Variants in RBMS1 observed in about 807,000 individuals in gnomAD.
RBMS1 encodes RNA binding motif single stranded interacting protein 1, also known as RNA-binding motif, single-stranded-interacting protein 1.
A neutral mutation model predicts 62.3 loss-of-function variants in RBMS1; 17 were observed. That is an observed-to-expected ratio of 0.27 (90% confidence interval 0.19 to 0.41). RBMS1 has a LOEUF of 0.41. RBMS1 is among the 10% of genes least tolerant of loss of function. The probability of loss-of-function intolerance (pLI) is 1.00; values close to 1 mark genes in which losing one functional copy is unlikely to be tolerated. For synonymous variants in RBMS1, 172 were observed against 170.0 expected, an observed-to-expected ratio of 1.01 and a Z score of -0.09; for missense variants, 334 against 504.5, an observed-to-expected ratio of 0.66 and a Z score of 3.24.
intron 2 of RBMS1, 27 bp from the exon 3 acceptor site, chr2:160,318,254 G>GAAAAAAAAAAAAAAAAAAAAAAAAACA: frequency 8.0e-7 from 1 of 1,256,784 alleles, no homozygotes; most frequent in South Asian, 1.6e-5. Flanking sequence ...AAAAAAAAAG[G>GAAAAAAAAAAAAAAAAAAAAAAAAACA]AAAAAAAGAA....
intron 1 of RBMS1, among the ~76,000 whole-genome samples, chr2:160,442,835 G>A (rs1220691955): frequency 2.6e-5 from 4 of 152,142 alleles, no homozygotes; most frequent in Admixed American, 2.0e-4. Context: ...GCTAGAAAGG[G>A]CACTAAGGGA....
At chr2:160,434,394 T>TA (rs1233489784) in intron 1 of RBMS1, among the ~76,000 whole-genome samples, 1 of 151,590 alleles carries the variant, frequency 6.6e-6, no homozygotes, top group Non-Finnish European at 1.5e-5. Flanking sequence ...TCAACACTAC[T>TA]AAAAAATAGG....
chr2:160,355,428 A>T (rs1441823898), intron 2 of RBMS1, among the ~76,000 whole-genome samples: 1 of 152,132 alleles, frequency 6.6e-6, no homozygotes, highest in Admixed American at 6.6e-5. Flanking sequence ...AGGTAAGAAT[A>T]AAAACAAACT....
At chr2:160,321,446 G>A (rs1574278016) in intron 2 of RBMS1, among the ~76,000 whole-genome samples, 2 of 152,056 alleles carry the variant, frequency 1.3e-5, no homozygotes, top group Admixed American at 1.3e-4. Context: ...TTTAATTAAT[G>A]AATCTCCTCT....
chr2:160,367,576 G>T, intron 1 of RBMS1, 185 bp from the exon 2 acceptor site: 1 of 1,125,684 alleles, frequency 8.9e-7, no homozygotes, highest in Non-Finnish European at 1.2e-6. Flanking sequence ...ACATAAAATT[G>T]ATAATAGGGT....
At chr2:160,483,187 C>T (rs1297399323) in intron 1 of RBMS1, among the ~76,000 whole-genome samples, 2 of 151,020 alleles carry the variant, frequency 1.3e-5, no homozygotes, top group Non-Finnish European at 2.9e-5. Flanking sequence ...TAGGTTTTTG[C>T]CAATTGAAAA....
chr2:160,308,893 A>G (rs1211279806), intron 4 of RBMS1, among the ~76,000 whole-genome samples: 2 of 152,236 alleles, frequency 1.3e-5, no homozygotes, highest in Non-Finnish European at 2.9e-5. Flanking sequence ...GGCTTCTTCA[A>G]AACAGTGTAT....
intron 1 of RBMS1, among the ~76,000 whole-genome samples, chr2:160,393,827 C>G (rs1694995382): frequency 6.6e-6 from 1 of 151,606 alleles, no homozygotes; most frequent in African/African-American, 2.4e-5. Flanking sequence ...AAGAAAATAG[C>G]CAAGCTTCAC....
At chr2:160,311,238 A>ATATATATCTATATATC (rs1689880229) in intron 4 of RBMS1, among the ~76,000 whole-genome samples, 5 of 119,240 alleles carry the variant, frequency 4.2e-5, no homozygotes, top group African/African-American at 1.4e-4. Context: ...CTATCTATAT[A>ATATATATCTATATATC]TATATATATA....
chr2:160,347,237 T>C (rs190826212), intron 2 of RBMS1, among the ~76,000 whole-genome samples: 218 of 152,252 alleles, frequency 1.4e-3, no homozygotes, highest in African/African-American at 5.1e-3. Flanking sequence ...ATTGCCTCTG[T>C]AGATGTACGA....
chr2:160,348,873 A>G (rs987385722), intron 2 of RBMS1, among the ~76,000 whole-genome samples: 8 of 152,182 alleles, frequency 5.3e-5, no homozygotes, highest in African/African-American at 1.4e-4. Flanking sequence ...GAATTAGTAT[A>G]ACTTATTTCT....
At chr2:160,349,189 T>G (rs981326186) in intron 2 of RBMS1, among the ~76,000 whole-genome samples, 1 of 152,106 alleles carries the variant, frequency 6.6e-6, no homozygotes, top group Non-Finnish European at 1.5e-5. Context: ...TTAGCAATTC[T>G]GCCAGGAGAG....
At chr2:160,389,811 TCAA>T (rs1694767334) in intron 1 of RBMS1, among the ~76,000 whole-genome samples, 5 of 151,498 alleles carry the variant, frequency 3.3e-5, no homozygotes, top group African/African-American at 9.7e-5. Flanking sequence ...TTTTTTTTTT[TCAA>T]TCAATCCATC....
intron 1 of RBMS1, among the ~76,000 whole-genome samples, chr2:160,404,746 A>T (rs1448070557): frequency 3.3e-5 from 5 of 152,314 alleles, no homozygotes; most frequent in African/African-American, 1.2e-4. Flanking sequence ...GCTTCCAAAC[A>T]TCACAAACTT....
At chr2:160,431,145 G>C (rs1015867159) in intron 1 of RBMS1, among the ~76,000 whole-genome samples, 1 of 143,196 alleles carries the variant, frequency 7.0e-6, no homozygotes, top group Non-Finnish European at 1.5e-5. Flanking sequence ...TAATAAAATA[G>C]TCTAATAAAA....
chr2:160,481,313 C>A, intron 1 of RBMS1, among the ~76,000 whole-genome samples: 1 of 144,262 alleles, frequency 6.9e-6, no homozygotes, highest in African/African-American at 2.6e-5. Flanking sequence ...AAATTGATTG[C>A]AGGCCTAAAT....
intron 1 of RBMS1, among the ~76,000 whole-genome samples, chr2:160,440,221 A>G (rs1036848552): frequency 6.6e-6 from 1 of 152,100 alleles, no homozygotes; most frequent in Non-Finnish European, 1.5e-5. Flanking sequence ...ATACTTTCTT[A>G]TAATTGTGAA....
chr2:160,456,097 A>G (rs1354850142), intron 1 of RBMS1, among the ~76,000 whole-genome samples: 1 of 152,256 alleles, frequency 6.6e-6, no homozygotes, highest in African/African-American at 2.4e-5. Context: ...AAGGACCTAC[A>G]GGCAATGTGA....
chr2:160,465,865 T>TACACACAC (rs72005445), intron 1 of RBMS1, among the ~76,000 whole-genome samples: 24 of 146,738 alleles, frequency 1.6e-4, no homozygotes, highest in African/African-American at 5.5e-4. Flanking sequence ...CACACACACA[T>TACACACAC]ACACACACAC....
Sources: gnomAD v4.1 joint callset for allele counts (sites outside exome capture counted in the v4.1 genomes callset) on GRCh38, gnomAD v4.1.1 for gene constraint, MANE v1.5 for transcripts, NCBI Gene and HGNC (gene_info 2026-07-23, HGNC 2026-07-21) for gene names.